Variants in SH3BGRL2 observed in about 807,000 individuals in gnomAD.
The protein encoded by SH3BGRL2 is SH3 domain binding glutamate rich protein like 2.
Under a neutral mutation model 14.8 loss-of-function variants are expected in SH3BGRL2, and 21 were observed. The ratio of observed to expected loss-of-function variants is 1.42; its 90% CI spans 1.01 to 2.05. The LOEUF is 2.05. SH3BGRL2 is among the 30% of genes most tolerant of loss of function. The probability of loss-of-function intolerance (pLI) is 0.00; values close to 1 mark genes in which losing one functional copy is unlikely to be tolerated. For missense variants in SH3BGRL2, 147 were observed against 130.8 expected (o/e 1.12, Z -0.61); for synonymous variants, 50 against 47.8 (o/e 1.05, Z -0.19).
chr6:79,669,540 G>A (rs375265232), intron 1 of SH3BGRL2, among the ~76,000 whole-genome samples: 1 of 149,826 alleles, frequency 6.7e-6, no homozygotes, highest in African/African-American at 2.5e-5. Flanking sequence ...CTGCAACCAG[G>A]TTCAAGTGAT....
At chr6:79,585,827 G>A in the SH3BGRL2 span, among the ~76,000 whole-genome samples, 1 of 150,254 alleles carries the variant, frequency 6.7e-6, no homozygotes, top group East Asian at 2.0e-4. Context: ...TGTCCGACCT[G>A]TAGCCCACGA....
intron 1 of SH3BGRL2, among the ~76,000 whole-genome samples, chr6:79,636,217 G>A (rs57451259): frequency 2.6e-5 from 4 of 152,178 alleles, no homozygotes; most frequent in African/African-American, 7.2e-5. Context: ...GGGACCTTTA[G>A]TCAAACCCTG....
intron 2 of SH3BGRL2, among the ~76,000 whole-genome samples, chr6:79,691,328 TTTTG>T (rs765339764): frequency 7.3e-5 from 11 of 151,254 alleles, no homozygotes; most frequent in Non-Finnish European, 1.5e-4. Flanking sequence ...TGTTTGTTTG[TTTTG>T]TTTTTGTTTT....
At chr6:79,544,633 C>T in the SH3BGRL2 span, among the ~76,000 whole-genome samples, 1 of 151,882 alleles carries the variant, frequency 6.6e-6, no homozygotes, top group African/African-American at 2.4e-5. Context: ...ACCCAGCAAC[C>T]GAGAATAGAT....
At chr6:79,537,995 G>A in the SH3BGRL2 span, among the ~76,000 whole-genome samples, 164 of 130,026 alleles carry the variant, frequency 1.3e-3, 1 homozygote, top group African/African-American at 4.7e-3. Context: ...GGGTGGAATG[G>A]CATCTGAAAT....
intron 1 of SH3BGRL2, among the ~76,000 whole-genome samples, chr6:79,670,179 T>G (rs1477533629): frequency 6.6e-6 from 1 of 152,258 alleles, no homozygotes; most frequent in African/African-American, 2.4e-5. Flanking sequence ...ATACCATTAT[T>G]CTTTTGTTTT....
the SH3BGRL2 span, among the ~76,000 whole-genome samples, chr6:79,612,805 C>T: frequency 6.6e-6 from 1 of 152,174 alleles, no homozygotes; most frequent in African/African-American, 2.4e-5. Context: ...TAGTATTTGC[C>T]ACAAAAATCC....
rs955623418 is a variant in SH3BGRL2 at position 79,701,596 on chromosome 6, C to T, written c.*2087C>T. The T allele has an allele frequency of 3.1e-5, 4 of 129,138 alleles. No homozygotes were observed. Among genetic ancestry groups the T allele is most frequent in the African/African-American group, 1.2e-4 (4 of 34,386 alleles). 8.0% of individuals were successfully genotyped at this position (129,138 alleles called of 1,614,324 possible). ...CCATCACAGTTATGTGCCATCTCCC[C>T]ACCCCATTTTTTTTTTTTTTTTTTT... is the stretch of plus-strand genomic sequence containing the variant. On this transcript the variant is annotated 3_prime_UTR_variant, in exon 4 of 4. Transcript: ENST00000369838.
the SH3BGRL2 span, among the ~76,000 whole-genome samples, chr6:79,583,790 C>T: frequency 6.6e-6 from 1 of 152,128 alleles, no homozygotes; most frequent in Non-Finnish European, 1.5e-5. Context: ...ATGCATTTTC[C>T]ATTTTTTTAA....
chr6:79,598,126 C>T, the SH3BGRL2 span, among the ~76,000 whole-genome samples: 2 of 152,234 alleles, frequency 1.3e-5, no homozygotes, highest in East Asian at 3.9e-4. Context: ...AAGTGAAGCC[C>T]TCATACAACA....
intron 1 of SH3BGRL2, among the ~76,000 whole-genome samples, chr6:79,658,283 C>G (rs1769465114): frequency 6.6e-6 from 1 of 152,138 alleles, no homozygotes; most frequent in Non-Finnish European, 1.5e-5. Context: ...CTAATGCTAT[C>G]CCTCACCCAG....
chr6:79,689,252 T>C (rs1214724407), intron 2 of SH3BGRL2, among the ~76,000 whole-genome samples: 1 of 147,708 alleles, frequency 6.8e-6, no homozygotes, highest in Non-Finnish European at 1.5e-5. Flanking sequence ...TTCTTTTGGG[T>C]GGATCCCATT....
chr6:79,589,223 C>A, the SH3BGRL2 span, among the ~76,000 whole-genome samples: 1 of 138,338 alleles, frequency 7.2e-6, no homozygotes, highest in Non-Finnish European at 1.6e-5. Context: ...TTTTTTGATT[C>A]ATGGTTGGTT....
chr6:79,556,621 C>T, the SH3BGRL2 span, among the ~76,000 whole-genome samples: 3 of 151,826 alleles, frequency 2.0e-5, no homozygotes, highest in African/African-American at 4.8e-5. Flanking sequence ...TCACTGTAAC[C>T]CTTAACCCAG....
At chr6:79,580,328 A>G in the SH3BGRL2 span, among the ~76,000 whole-genome samples, 2 of 152,348 alleles carry the variant, frequency 1.3e-5, no homozygotes, top group East Asian at 1.9e-4. Flanking sequence ...CCCCAAATCA[A>G]CAGAATATAC....
intron 2 of SH3BGRL2, among the ~76,000 whole-genome samples, chr6:79,693,126 A>G (rs1021429859): frequency 6.6e-6 from 1 of 152,218 alleles, no homozygotes; most frequent in East Asian, 1.9e-4. Context: ...GCAATTGTGA[A>G]TGGGAGTTCA....
upstream of SH3BGRL2, among the ~76,000 whole-genome samples, chr6:79,630,886 G>C (rs1006454236): frequency 5.3e-5 from 8 of 152,032 alleles, no homozygotes; most frequent in Non-Finnish European, 1.2e-4. Flanking sequence ...CACCCGGCTC[G>C]CCGATCCCGC....
the SH3BGRL2 span, among the ~76,000 whole-genome samples, chr6:79,606,187 G>A: frequency 2.0e-5 from 3 of 152,064 alleles, no homozygotes; most frequent in Non-Finnish European, 4.4e-5. Flanking sequence ...GGTGGGAATT[G>A]CAAGGCATCC....
chr6:79,595,180 G>C, the SH3BGRL2 span, among the ~76,000 whole-genome samples: 1 of 152,198 alleles, frequency 6.6e-6, no homozygotes, highest in African/African-American at 2.4e-5. Flanking sequence ...CAGCTACTCG[G>C]GAGGCTGAGT....
Sources: gnomAD v4.1 joint callset for allele counts (sites outside exome capture counted in the v4.1 genomes callset) on GRCh38, gnomAD v4.1.1 for gene constraint, MANE v1.5 for transcripts, NCBI Gene and HGNC (gene_info 2026-07-23, HGNC 2026-07-21) for gene names.